The following CNTN6 variants were observed in gnomAD, a reference collection of about 807,000 sequenced individuals.
CNTN6 encodes contactin-6.
Under a neutral mutation model 122.8 loss-of-function variants are expected in CNTN6, and 137 were observed. The ratio of observed to expected loss-of-function variants is 1.12; its 90% confidence interval spans 0.97 to 1.29. The LOEUF is 1.29. CNTN6 is among the 50% of genes most tolerant of loss of function. CNTN6 has a pLI of 0.00. For synonymous variants in CNTN6, 570 were observed against 426.0 expected (o/e 1.34, Z -4.16); for missense variants, 1,634 against 1,223.4 (o/e 1.34, Z -5.01).
At chr3:1,290,449 T>A (rs1175047899) in intron 5 of CNTN6, among the ~76,000 whole-genome samples, 2 of 152,092 alleles carry the variant, frequency 1.3e-5, no homozygotes, top group Non-Finnish European at 2.9e-5. Context: ...GAGGACGAGC[T>A]AAGGAGAGGA....
At chr3:1,378,985 T>C (rs1211554640) in intron 17 of CNTN6, among the ~76,000 whole-genome samples, 1 of 152,162 alleles carries the variant, frequency 6.6e-6, no homozygotes, top group Non-Finnish European at 1.5e-5. Flanking sequence ...GTAGTTTATT[T>C]AGGTTTCTAT....
intron 4 of CNTN6, among the ~76,000 whole-genome samples, chr3:1,270,137 C>T (rs1004517509): frequency 1.3e-5 from 2 of 152,104 alleles, no homozygotes; most frequent in African/African-American, 4.8e-5. Flanking sequence ...AACACCATGA[C>T]TGAGTATATA....
intron 2 of CNTN6, among the ~76,000 whole-genome samples, chr3:1,167,089 A>G (rs894671490): frequency 7.2e-5 from 11 of 151,882 alleles, no homozygotes; most frequent in African/African-American, 2.7e-4. Context: ...AGAACAGTGC[A>G]GTAGAGTGGT....
chr3:1,342,674 G>T (rs1237308598), intron 11 of CNTN6, among the ~76,000 whole-genome samples: 1 of 152,008 alleles, frequency 6.6e-6, no homozygotes. Flanking sequence ...ATCTTATTGC[G>T]ACAATTCTGT....
At chr3:1,222,328 G>A (rs1459239579) in intron 3 of CNTN6, among the ~76,000 whole-genome samples, 1 of 152,150 alleles carries the variant, frequency 6.6e-6, no homozygotes, top group Admixed American at 6.6e-5. Flanking sequence ...AATACATTTA[G>A]TGAGATCACC....
At chr3:1,147,698 G>A (rs2092751874) in intron 1 of CNTN6, among the ~76,000 whole-genome samples, 3 of 151,910 alleles carry the variant, frequency 2.0e-5, no homozygotes, top group South Asian at 4.1e-4. Flanking sequence ...GTGATATTAG[G>A]ACAAATAATG....
intron 5 of CNTN6, among the ~76,000 whole-genome samples, chr3:1,282,661 A>T (rs936502481): frequency 2.6e-5 from 4 of 152,186 alleles, no homozygotes; most frequent in African/African-American, 9.7e-5. Flanking sequence ...GAGGACTGCA[A>T]TGCACATCTG....
intron 2 of CNTN6, among the ~76,000 whole-genome samples, chr3:1,159,769 C>T (rs1249210664): frequency 6.6e-6 from 1 of 151,960 alleles, no homozygotes; most frequent in Non-Finnish European, 1.5e-5. Flanking sequence ...TACAATCCCA[C>T]TTAGAAATTT....
At chr3:1,327,752 T>C (rs977852563) in intron 10 of CNTN6, among the ~76,000 whole-genome samples, 166 bp downstream of exon 10, 8 of 151,862 alleles carry the variant, frequency 5.3e-5, no homozygotes, top group African/African-American at 1.7e-4. Context: ...GTAATTATTA[T>C]TCTGCTTGGG....
chr3:1,220,575 G>C, intron 2 of CNTN6, 112 bp from the exon 3 acceptor site: 1 of 978,074 alleles, frequency 1.0e-6, no homozygotes, highest in Non-Finnish European at 1.4e-6. Flanking sequence ...ATTTGAGATT[G>C]TTTTAAAATA....
intron 18 of CNTN6, 48 bp downstream of exon 18, chr3:1,383,224 T>TGTG: frequency 1.9e-6 from 3 of 1,591,750 alleles, no homozygotes; most frequent in Non-Finnish European, 2.6e-6. Context: ...ATGCATAGTT[T>TGTG]GTGTTCCCTT....
chr3:1,302,798 T>C (rs890454114), intron 7 of CNTN6, among the ~76,000 whole-genome samples: 2 of 152,190 alleles, frequency 1.3e-5, no homozygotes. Flanking sequence ...TGGTTTGGTG[T>C]TTGTCATTAT....
At chr3:1,315,257 C>T (rs935301023) in intron 7 of CNTN6, among the ~76,000 whole-genome samples, 1 of 151,960 alleles carries the variant, frequency 6.6e-6, no homozygotes, top group Admixed American at 6.6e-5. Context: ...GCAAAACGAA[C>T]TCCTAGTAAA....
rs1384063407 is a variant in CNTN6, at chr3:1,329,944, A to G, written c.1364+9A>G. Reference sequence around the variant, plus strand: ...CTTAGACAAAGCAAAAGGTAAACAAATCTTTATTTTTAAAAATATTTTTGT... The same window carrying G: ...CTTAGACAAAGCAAAAGGTAAACAAGTCTTTATTTTTAAAAATATTTTTGT... On this transcript the variant is annotated intron_variant, in intron 11 of 22. Transcript: ENST00000446702. 1 of 1,520,328 alleles carries G rather than the reference A, an allele frequency of 6.6e-7. No homozygotes were observed. The highest frequency in any genetic ancestry group is 8.8e-7 in the Non-Finnish European group (1 of 1,138,554). 94.2% of individuals were successfully genotyped at this position (1,520,328 alleles called of 1,614,324 possible). A position where few individuals can be genotyped will look rare whatever the true frequency, so the allele number is the denominator to read the frequency against.
chr3:1,357,651 A>C (rs1171978899), intron 12 of CNTN6, among the ~76,000 whole-genome samples: 1 of 151,914 alleles, frequency 6.6e-6, no homozygotes, highest in East Asian at 1.9e-4. Context: ...TAAAAAATGC[A>C]TGAGACAATT....
At chr3:1,106,582 T>C (rs2091235026) in intron 1 of CNTN6, among the ~76,000 whole-genome samples, 2 of 151,996 alleles carry the variant, frequency 1.3e-5, no homozygotes, top group Non-Finnish European at 2.9e-5. Flanking sequence ...GCATATTTAG[T>C]AATAAATATT....
intron 5 of CNTN6, among the ~76,000 whole-genome samples, chr3:1,278,902 T>C (rs1692892976): frequency 6.6e-6 from 1 of 152,202 alleles, no homozygotes; most frequent in Non-Finnish European, 1.5e-5. Context: ...GTTTGTTTGT[T>C]TGTTCAGTTT....
intron 17 of CNTN6, among the ~76,000 whole-genome samples, chr3:1,381,526 C>A (rs774396138): frequency 6.6e-6 from 1 of 152,000 alleles, no homozygotes; most frequent in African/African-American, 2.4e-5. Flanking sequence ...GATGAAGAAC[C>A]GGAACATGGT....
intron 2 of CNTN6, among the ~76,000 whole-genome samples, chr3:1,159,606 T>C (rs1213244555): frequency 6.6e-6 from 1 of 151,948 alleles, no homozygotes; most frequent in Non-Finnish European, 1.5e-5. Flanking sequence ...ATACTGTCAT[T>C]AATTTTATTT....
Sources: allele counts gnomAD v4.1 joint callset (sites outside exome capture counted in the v4.1 genomes callset), GRCh38; gene constraint gnomAD v4.1.1; transcripts MANE v1.5; gene names NCBI Gene and HGNC (gene_info 2026-07-23, HGNC 2026-07-21).